The following ZBTB20 variants were observed in gnomAD, a reference collection of about 807,000 sequenced individuals.
ZBTB20 encodes the protein zinc finger and BTB domain containing 20.
In ZBTB20, 9 loss-of-function variants were observed where a neutral mutation model predicts 56.9. The ratio of observed to expected loss-of-function variants is 0.16; its 90% CI spans 0.10 to 0.28. The LOEUF (loss-of-function observed/expected upper bound fraction) is 0.28, where lower values mean the gene tolerates loss of function less well. ZBTB20 is among the 10% of genes least tolerant of loss of function. ZBTB20 has a pLI of 1.00. For synonymous variants in ZBTB20, 417 were observed against 420.7 expected (o/e 0.99, Z 0.11); for missense variants, 655 against 1,003.0 (o/e 0.65, Z 4.69).
At chr3:114,978,672 G>GTT in intron 2 of ZBTB20, among the ~76,000 whole-genome samples, 1 of 151,692 alleles carries the variant, frequency 6.6e-6, no homozygotes, top group African/African-American at 2.4e-5. Flanking sequence ...TACCAGGTGT[G>GTT]TGTGTGTGTG....
At chr3:114,762,724 G>T (rs1269728510) in intron 5 of ZBTB20, among the ~76,000 whole-genome samples, 1 of 152,180 alleles carries the variant, frequency 6.6e-6, no homozygotes, top group Non-Finnish European at 1.5e-5. Context: ...GGAAGCCAGG[G>T]CGTTCTAGAA....
chr3:114,889,920 G>A (rs2076742061), intron 4 of ZBTB20, among the ~76,000 whole-genome samples: 1 of 152,122 alleles, frequency 6.6e-6, no homozygotes, highest in African/African-American at 2.4e-5. Context: ...TGATTATGAT[G>A]ACTAATGAGA....
rs912302127 is a variant in ZBTB20, at chr3:114,774,564, G to T, written c.-343+26537C>A. On this transcript the variant is annotated intron_variant, in intron 5 of 11. Transcript: ENST00000675478. ...GTAAGGAGATACCATAATTTCAAGG[G>T]GCTTTGAGGCTCATTTATAGCAAAT... 7.9e-5 allele frequency among the ~76,000 whole-genome samples: 12 copies of T among 151,990 alleles called. 1 individual carries two copies. The highest frequency in any genetic ancestry group is 2.7e-4 in the African/African-American group (11 of 41,378).
intron 3 of ZBTB20, among the ~76,000 whole-genome samples, chr3:114,963,980 G>C (rs2077548863): frequency 6.6e-6 from 1 of 152,122 alleles, no homozygotes; most frequent in Non-Finnish European, 1.5e-5. Flanking sequence ...TGACCATGTA[G>C]TTTCTTTAAG....
In ZBTB20 at chr3:114,683,850, C is replaced by T. The variant is rs541161656; in HGVS notation, c.-295+9678G>A. On this transcript the variant is annotated intron_variant, in intron 6 of 11. Transcript: ENST00000675478. Reference sequence around the variant, plus strand: ...TGCAGCTGAAGGGACCATGACAGCACTGCCTGACATCTCTGAGGGACTATG... The same window carrying T: ...TGCAGCTGAAGGGACCATGACAGCATTGCCTGACATCTCTGAGGGACTATG... 3.3e-5 allele frequency among the ~76,000 whole-genome samples: 5 copies of T among 152,140 alleles called. No individual in the cohort carries two copies. In the South Asian group the frequency reaches 1.0e-3, roughly 32 times the overall value.
chr3:114,859,910 A>G (rs1457608959), intron 4 of ZBTB20, among the ~76,000 whole-genome samples: 2 of 152,204 alleles, frequency 1.3e-5, no homozygotes, highest in African/African-American at 4.8e-5. Context: ...TTTGAACAAC[A>G]AAACAGAATA....
intron 7 of ZBTB20, among the ~76,000 whole-genome samples, chr3:114,463,468 A>G (rs1391784906): frequency 1.3e-5 from 2 of 152,166 alleles, no homozygotes; most frequent in Non-Finnish European, 2.9e-5. Context: ...TAGTTTATAC[A>G]TGAAATAGAC....
chr3:114,645,040 AAT>A (rs1311215256), intron 6 of ZBTB20, among the ~76,000 whole-genome samples: 4 of 151,976 alleles, frequency 2.6e-5, no homozygotes, highest in African/African-American at 9.7e-5. Context: ...TTATTAATAT[AAT>A]ATAGTTTATT....
intron 5 of ZBTB20, among the ~76,000 whole-genome samples, chr3:114,733,333 G>C (rs1349088662): frequency 6.6e-6 from 1 of 152,194 alleles, no homozygotes; most frequent in Non-Finnish European, 1.5e-5. Context: ...ACGCCTGACA[G>C]AAGGCTGAAA....
At chr3:114,713,385 C>T (rs941125743) in intron 5 of ZBTB20, among the ~76,000 whole-genome samples, 4 of 151,992 alleles carry the variant, frequency 2.6e-5, no homozygotes, top group Admixed American at 6.6e-5. Flanking sequence ...CTGAAAATGC[C>T]GGCTTTTTAC....
At chr3:114,539,986 G>T (rs2110097671) in intron 6 of ZBTB20, among the ~76,000 whole-genome samples, 2 of 151,412 alleles carry the variant, frequency 1.3e-5, no homozygotes, top group South Asian at 4.2e-4. Context: ...TGTCATGGGG[G>T]TTGTACAGAT....
intron 6 of ZBTB20, among the ~76,000 whole-genome samples, chr3:114,688,656 G>C (rs990716660): frequency 2.0e-5 from 3 of 152,080 alleles, no homozygotes; most frequent in Non-Finnish European, 4.4e-5. Flanking sequence ...AATAAACAAA[G>C]ACATGATTAA....
intron 7 of ZBTB20, among the ~76,000 whole-genome samples, chr3:114,485,548 C>A (rs1032777814): frequency 3.3e-5 from 5 of 152,070 alleles, no homozygotes; most frequent in African/African-American, 9.7e-5. Flanking sequence ...TTACAACGGT[C>A]AAAAATTATG....
At chr3:114,626,618 T>C (rs2058670838) in intron 6 of ZBTB20, among the ~76,000 whole-genome samples, 1 of 152,168 alleles carries the variant, frequency 6.6e-6, no homozygotes, top group Admixed American at 6.6e-5. Context: ...TGTTAAACAT[T>C]ATACTTGAAG....
intron 2 of ZBTB20, among the ~76,000 whole-genome samples, chr3:115,054,756 T>C (rs1418416612): frequency 6.6e-6 from 1 of 152,144 alleles, no homozygotes; most frequent in Non-Finnish European, 1.5e-5. Context: ...GCTCCCAGGT[T>C]GGCCCATAGA....
intron 6 of ZBTB20, among the ~76,000 whole-genome samples, chr3:114,671,590 A>G (rs2061363489): frequency 6.6e-6 from 1 of 151,414 alleles, no homozygotes; most frequent in Admixed American, 6.6e-5. Flanking sequence ...CAATAAATAA[A>G]TGCCATTTTT....
chr3:114,969,574 T>C (rs1189943233), intron 3 of ZBTB20, among the ~76,000 whole-genome samples: 1 of 152,178 alleles, frequency 6.6e-6, no homozygotes, highest in Non-Finnish European at 1.5e-5. Context: ...AATTTAACCT[T>C]ATTGTAACTA....
Position 114,661,230 on chromosome 3 carries a change from C to A in ZBTB20, c.-295+32298G>T, listed in dbSNP as rs1424051055. Among the ~76,000 whole-genome samples the A allele has an allele frequency of 2.6e-5, 4 of 151,926 alleles. No homozygotes were observed. The East Asian group carries it at 7.7e-4, about 29-fold the overall frequency. On this transcript the variant is annotated intron_variant, in intron 6 of 11. Coordinates refer to ENST00000675478, the MANE Select transcript of ZBTB20 (RefSeq NM_001348800.3). ...AGGAAAGCTCACGAAAATGACCCTG[C>A]CTAGTTAACAGATTCATAGTCTGGG... is the stretch of plus-strand genomic sequence containing the variant.
intron 6 of ZBTB20, among the ~76,000 whole-genome samples, chr3:114,653,582 T>C (rs981447431): frequency 6.6e-6 from 1 of 151,972 alleles, no homozygotes; most frequent in African/African-American, 2.4e-5. Context: ...CCTATACTTT[T>C]ATTTTCCTGT....
Sources: allele counts gnomAD v4.1 joint callset (sites outside exome capture counted in the v4.1 genomes callset), GRCh38; gene constraint gnomAD v4.1.1; transcripts MANE v1.5; gene names NCBI Gene and HGNC (gene_info 2026-07-23, HGNC 2026-07-21).